IGFL2: variants seen among roughly 807,000 people sequenced by gnomAD.
IGFL2 encodes insulin growth factor-like family member 2.
A neutral mutation model predicts 13.9 loss-of-function variants in IGFL2; 7 were observed. The observed-to-expected ratio is 0.51, with a 90% confidence interval of 0.29 to 0.95. The LOEUF (loss-of-function observed/expected upper bound fraction) is 0.95. Among genes scored for constraint, IGFL2 ranks in the 40% least tolerant of loss-of-function variants. The probability of loss-of-function intolerance (pLI) is 0.08; values close to 1 mark genes in which losing one functional copy is unlikely to be tolerated. For missense variants in IGFL2, 138 were observed against 147.8 expected (o/e 0.93, Z 0.34); for synonymous variants, 55 against 55.8 (o/e 0.99, Z 0.07).
At chr19:46,161,321 T>A, downstream of IGFL2, 1 of 302,680 alleles carries the variant, frequency 3.3e-6, no homozygotes, top group Non-Finnish European at 6.1e-6. Flanking sequence ...CTCCTTTCTT[T>A]TTTTTTTTTT....
chr19:46,134,278 T>A, the IGFL2 span, among the ~76,000 whole-genome samples: 1 of 152,112 alleles, frequency 6.6e-6, no homozygotes, highest in African/African-American at 2.4e-5. Context: ...TCAGCAGGAA[T>A]GTTGTAGTAC....
the IGFL2 span, among the ~76,000 whole-genome samples, chr19:46,167,358 A>G: frequency 1.3e-5 from 2 of 152,196 alleles, no homozygotes; most frequent in Non-Finnish European, 2.9e-5. Context: ...GCTGCATGAT[A>G]CTGGGCAGAT....
chr19:46,201,912 GC>G, the IGFL2 span, among the ~76,000 whole-genome samples: 1 of 63,414 alleles, frequency 1.6e-5, no homozygotes, highest in East Asian at 3.9e-4. Context: ...AAATTGTTGG[GC>G]AGGTTGGGGA....
chr19:46,136,637 TC>T, the IGFL2 span: 1 of 392,978 alleles, frequency 2.5e-6, no homozygotes, highest in Non-Finnish European at 4.9e-6. Context: ...GTTTTAGCAA[TC>T]CCATGTGCAG....
At chr19:46,211,392 A>G in the IGFL2 span, among the ~76,000 whole-genome samples, 1 of 152,150 alleles carries the variant, frequency 6.6e-6, no homozygotes, top group Non-Finnish European at 1.5e-5. Context: ...TTCCTTCTAC[A>G]TACCTGACAT....
At chr19:46,171,187 G>A in the IGFL2 span, among the ~76,000 whole-genome samples, 14 of 152,044 alleles carry the variant, frequency 9.2e-5, no homozygotes, top group Admixed American at 3.3e-4. Context: ...GTACTCTTTC[G>A]CTTTATTTCT....
At chr19:46,101,518 G>T in the IGFL2 span, among the ~76,000 whole-genome samples, 1 of 152,236 alleles carries the variant, frequency 6.6e-6, no homozygotes, top group Non-Finnish European at 1.5e-5. Flanking sequence ...CACAACTGGT[G>T]TGCTCCACTG....
chr19:46,161,153 T>A lies in IGFL2; in HGVS notation c.*65T>A. ...CAGAAACATAGGCTAAGGTAATATG[T>A]GTACCAGTAGAGAAGCCTGAGGAAT... is the stretch of plus-strand genomic sequence containing the variant. On this transcript the variant is annotated 3_prime_UTR_variant, in exon 4 of 4. Transcript: ENST00000377693. The A allele has an allele frequency of 7.9e-7, 1 of 1,262,650 alleles. No individual in the cohort carries two copies. Among genetic ancestry groups the A allele is most frequent in the Non-Finnish European group, 1.1e-6 (1 of 883,292 alleles). 78.2% of individuals were successfully genotyped at this position (1,262,650 alleles called of 1,614,324 possible). A position where few individuals can be genotyped will look rare whatever the true frequency, so the allele number is the denominator to read the frequency against.
At chr19:46,175,630 C>A in the IGFL2 span, among the ~76,000 whole-genome samples, 1 of 152,086 alleles carries the variant, frequency 6.6e-6, no homozygotes, top group Non-Finnish European at 1.5e-5. Context: ...CCTCTGCCTC[C>A]CAGGTTCAAG....
the IGFL2 span, among the ~76,000 whole-genome samples, chr19:46,200,021 C>A: frequency 6.6e-6 from 1 of 152,124 alleles, no homozygotes; most frequent in African/African-American, 2.4e-5. Flanking sequence ...GGATTACAAG[C>A]ACACGCCACC....
upstream of IGFL2, among the ~76,000 whole-genome samples, chr19:46,140,991 C>G (rs1318142145): frequency 6.6e-6 from 1 of 152,206 alleles, no homozygotes; most frequent in African/African-American, 2.4e-5. Flanking sequence ...GTATTCTGTT[C>G]TTCTTAACAA....
the IGFL2 span, chr19:46,120,178 A>G: frequency 9.0e-7 from 1 of 1,105,958 alleles, no homozygotes; most frequent in Non-Finnish European, 1.2e-6. Context: ...AAGTCTGGCC[A>G]TCCCCAGCTG....
the IGFL2 span, among the ~76,000 whole-genome samples, chr19:46,185,283 C>T: frequency 5.9e-5 from 9 of 152,180 alleles, no homozygotes; most frequent in Non-Finnish European, 1.3e-4. Context: ...GCAGCTGCTC[C>T]TCTCTCTGCC....
At chr19:46,097,294 T>C in the IGFL2 span, among the ~76,000 whole-genome samples, 1 of 152,234 alleles carries the variant, frequency 6.6e-6, no homozygotes, top group African/African-American at 2.4e-5. Flanking sequence ...TTTTCTAGTT[T>C]ATTTGCGTAG....
At chr19:46,195,489 C>A in the IGFL2 span, among the ~76,000 whole-genome samples, 1 of 152,136 alleles carries the variant, frequency 6.6e-6, no homozygotes, top group African/African-American at 2.4e-5. Flanking sequence ...AATGATGTGC[C>A]AACCTTTTAT....
At chr19:46,182,717 C>T in the IGFL2 span, among the ~76,000 whole-genome samples, 8 of 152,094 alleles carry the variant, frequency 5.3e-5, no homozygotes, top group Non-Finnish European at 7.4e-5. Flanking sequence ...TTTTCATTGC[C>T]GAGCAGGACT....
At chr19:46,177,663 CCTCA>C in the IGFL2 span, among the ~76,000 whole-genome samples, 4 of 152,096 alleles carry the variant, frequency 2.6e-5, no homozygotes, top group Non-Finnish European at 5.9e-5. Context: ...TCCTCCTACC[CCTCA>C]CTCCCTGCTG....
intron 1 of IGFL2, among the ~76,000 whole-genome samples, chr19:46,152,761 GA>G (rs1973576375): frequency 6.6e-6 from 1 of 152,200 alleles, no homozygotes; most frequent in African/African-American, 2.4e-5. Context: ...ATATTAGGGG[GA>G]AAGTATTCAA....
chr19:46,158,226 GAGACAGAGTGTCACTCTGTCACCT>G (rs1973928837), intron 1 of IGFL2, among the ~76,000 whole-genome samples: 1 of 151,936 alleles, frequency 6.6e-6, no homozygotes, highest in African/African-American at 2.4e-5. Flanking sequence ...ATTTTATTTT[GAGACAGAGTGTCACTCTGTCACCT>G]AGACAGGAGT....
Sources: gnomAD v4.1 joint callset for allele counts (sites outside exome capture counted in the v4.1 genomes callset) on GRCh38, gnomAD v4.1.1 for gene constraint, MANE v1.5 for transcripts, NCBI Gene and HGNC (gene_info 2026-07-23, HGNC 2026-07-21) for gene names.